Variants in ZBTB43 observed in about 807,000 individuals in gnomAD.
ZBTB43 encodes zinc finger and BTB domain-containing protein 43.
A neutral mutation model predicts 31.1 loss-of-function variants in ZBTB43; 6 were observed. The observed-to-expected ratio is 0.19, with a 90% CI of 0.11 to 0.38. ZBTB43 has a LOEUF of 0.38. Ranked by LOEUF, ZBTB43 falls within the 10% of genes least tolerant of loss-of-function variation. The pLI is 1.00. For missense variants in ZBTB43, 379 were observed against 602.1 expected, an observed-to-expected ratio of 0.63 and a Z score of 3.88; for synonymous variants, 212 against 221.7, an observed-to-expected ratio of 0.96 and a Z score of 0.39.
intron 2 of ZBTB43, among the ~76,000 whole-genome samples, chr9:126,819,789 T>C (rs1182237413): frequency 1.3e-5 from 2 of 152,228 alleles, no homozygotes; most frequent in African/African-American, 4.8e-5. Context: ...CTTCTTGCTC[T>C]AAACAGCCAA....
At chr9:126,827,423 G>A (rs1404494545) in intron 2 of ZBTB43, among the ~76,000 whole-genome samples, 1 of 152,198 alleles carries the variant, frequency 6.6e-6, no homozygotes, top group Non-Finnish European at 1.5e-5. Context: ...TGGGAACACA[G>A]GCCACCTTCC....
upstream of ZBTB43, among the ~76,000 whole-genome samples, chr9:126,804,226 G>A (rs1034096960): frequency 6.6e-6 from 1 of 152,104 alleles, no homozygotes; most frequent in South Asian, 2.1e-4. Flanking sequence ...GGAGGGAGTG[G>A]GAGAATTGGA....
intron 2 of ZBTB43, among the ~76,000 whole-genome samples, chr9:126,825,838 T>TTA: frequency 7.3e-6 from 1 of 137,216 alleles, no homozygotes. Flanking sequence ...TGGTTCCTTT[T>TTA]TATATTTTTT....
At position 126,833,101 on chromosome 9, in the gene ZBTB43, A is replaced by C; in HGVS notation, c.592A>C (p.Asn198His). The C allele has an allele frequency of 6.2e-7, 1 of 1,614,130 alleles. No individual in the cohort carries two copies. Among genetic ancestry groups the C allele is most frequent in the Non-Finnish European group, 8.5e-7 (1 of 1,180,030 alleles). Residue 198 changes from asparagine to histidine, a missense_variant, in exon 3 of 3, where the codon AAC becomes CAC. Physicochemically the swap from Asn to His is moderately conservative, Grantham distance 68. This residue lies in a region of ZBTB43 where 253 missense variants were observed against 322.3 expected (regional missense o/e 0.79). Transcript: ENST00000373464. This position sits in a 1 kb window ranked among gnomAD's most constrained non-coding sequence, Gnocchi z 7.9. Reference sequence around the variant, plus strand: ...CACCGAGCACGAATACCTGCCCAGCAACTCGTCCACAGAGCATGACCGCCT... The same window carrying C: ...CACCGAGCACGAATACCTGCCCAGCCACTCGTCCACAGAGCATGACCGCCT... ...QLTEHEYLPS[N>H]SSTEHDRLST...
chr9:126,809,858 C>CA (rs1218711750), intron 2 of ZBTB43, among the ~76,000 whole-genome samples: 4 of 147,178 alleles, frequency 2.7e-5, no homozygotes, highest in Admixed American at 2.0e-4. Context: ...TTTTTTGAGA[C>CA]AGAGTCTCGC....
intron 2 of ZBTB43, among the ~76,000 whole-genome samples, chr9:126,817,908 A>C (rs516104): frequency 1.3e-5 from 2 of 151,980 alleles, no homozygotes; most frequent in Non-Finnish European, 2.9e-5. Context: ...GAAATTTAGC[A>C]TGTTGCAGGT....
chr9:126,804,768 G>A (rs140009958), upstream of ZBTB43, among the ~76,000 whole-genome samples: 88 of 152,308 alleles, frequency 5.8e-4, no homozygotes, highest in East Asian at 0.015. Context: ...TACAGACGTG[G>A]GCTACCGCGC....
chr9:126,822,431 T>G (rs1244534416), intron 2 of ZBTB43, among the ~76,000 whole-genome samples: 1 of 152,164 alleles, frequency 6.6e-6, no homozygotes, highest in Admixed American at 6.5e-5. Context: ...GTGGCAAACT[T>G]CACTGTTGTC....
intron 1 of ZBTB43, among the ~76,000 whole-genome samples, chr9:126,807,100 T>C (rs551410841): frequency 1.3e-5 from 2 of 152,348 alleles, no homozygotes; most frequent in African/African-American, 4.8e-5. Context: ...TATTTGCCTT[T>C]AAGGTAGTTT....
At chr9:126,824,916 G>T (rs1470560828) in intron 2 of ZBTB43, among the ~76,000 whole-genome samples, 1 of 152,108 alleles carries the variant, frequency 6.6e-6, no homozygotes, top group Non-Finnish European at 1.5e-5. Context: ...TGTCCCACAG[G>T]CACCTCAGGT....
intron 2 of ZBTB43, among the ~76,000 whole-genome samples, chr9:126,828,140 C>T (rs73585506): frequency 0.02 from 3,106 of 152,168 alleles, 118 homozygotes; most frequent in African/African-American, 0.072. Context: ...CCCAACCTTA[C>T]TCTTCATGCC....
At chr9:126,816,716 G>A (rs188598698) in intron 2 of ZBTB43, among the ~76,000 whole-genome samples, 1 of 152,328 alleles carries the variant, frequency 6.6e-6, no homozygotes, top group East Asian at 1.9e-4. Context: ...AGTGGGGCTG[G>A]AGGGGTAGGC....
At chr9:126,820,849 T>TCCCACCTA (rs1436461568) in intron 2 of ZBTB43, among the ~76,000 whole-genome samples, 1 of 149,158 alleles carries the variant, frequency 6.7e-6, no homozygotes, top group African/African-American at 2.5e-5. Flanking sequence ...GCACTTGTAG[T>TCCCACCTA]CCCACCTACC....
chr9:126,806,574 G>A (rs2032131237), intron 1 of ZBTB43, among the ~76,000 whole-genome samples: 1 of 152,130 alleles, frequency 6.6e-6, no homozygotes, highest in Admixed American at 6.5e-5. Context: ...ACAACATTGT[G>A]AATGTACTTC....
chr9:126,814,195 CAT>C (rs1270123804), intron 2 of ZBTB43, among the ~76,000 whole-genome samples: 1 of 139,892 alleles, frequency 7.1e-6, no homozygotes, highest in African/African-American at 2.7e-5. Flanking sequence ...TACTCTGACA[CAT>C]AAAAGTTCAC....
chr9:126,819,377 T>C (rs2032462490), intron 2 of ZBTB43, among the ~76,000 whole-genome samples: 1 of 151,968 alleles, frequency 6.6e-6, no homozygotes, highest in African/African-American at 2.4e-5. Flanking sequence ...ATGTTTACTT[T>C]CTGTTTCTGT....
In ZBTB43 at chr9:126,837,074, A is replaced by G. The variant is rs2032895358; in HGVS notation, c.*3161A>G. The stretch of plus-strand genomic sequence containing the variant: ...AGCCGCGATTGCACCACCACACTCC[A>G]GCCTGCGCGACAGATCGAGACTCTG... On this transcript the variant is annotated 3_prime_UTR_variant, in exon 3 of 3. Coordinates refer to ENST00000373464, the MANE Select transcript of ZBTB43 (RefSeq NM_014007.4). 6.2e-6 allele frequency: 1 copy of G among 161,916 alleles called. No homozygotes were observed. The highest frequency in any genetic ancestry group is 2.4e-5 in the African/African-American group (1 of 41,254). 10.0% of individuals were successfully genotyped at this position (161,916 alleles called of 1,614,324 possible).
At chr9:126,815,660 T>C (rs1322952544) in intron 2 of ZBTB43, among the ~76,000 whole-genome samples, 9 of 27,808 alleles carry the variant, frequency 3.2e-4, no homozygotes, top group South Asian at 1.9e-3. Flanking sequence ...CTCTCTCTCT[T>C]TTTTTTTTTT....
intron 2 of ZBTB43, among the ~76,000 whole-genome samples, chr9:126,810,424 C>CCA (rs2032219300): frequency 6.6e-6 from 1 of 151,244 alleles, no homozygotes; most frequent in African/African-American, 2.4e-5. Flanking sequence ...AAACTCCTGA[C>CCA]CACAGGTGAT....
Sources: gnomAD v4.1 joint callset for allele counts (sites outside exome capture counted in the v4.1 genomes callset) on GRCh38, gnomAD v4.1.1 for gene constraint, gnomAD v4.1.1 regional missense constraint, Gnocchi (gnomAD v3.1) non-coding constraint, MANE v1.5 for transcripts, NCBI Gene and HGNC (gene_info 2026-07-23, HGNC 2026-07-21) for gene names.